Variants in MOXD1 observed in about 807,000 individuals in gnomAD.
MOXD1 encodes monooxygenase DBH like 1.
In MOXD1, 62 loss-of-function variants were observed where a neutral mutation model predicts 66.6. The ratio of observed to expected loss-of-function variants is 0.93; its 90% CI spans 0.76 to 1.15. The LOEUF (loss-of-function observed/expected upper bound fraction) is 1.15. Ranked by LOEUF, MOXD1 falls within the 50% of genes most tolerant of loss-of-function variation. The pLI, the probability that MOXD1 is intolerant of heterozygous loss-of-function variation, is 0.00. For missense variants in MOXD1, 847 were observed against 754.6 expected, an observed-to-expected ratio of 1.12 and a Z score of -1.44; for synonymous variants, 303 against 281.9, an observed-to-expected ratio of 1.07 and a Z score of -0.75.
intron 4 of MOXD1, among the ~76,000 whole-genome samples, chr6:132,332,267 C>T (rs913503785): frequency 2.0e-5 from 3 of 152,008 alleles, no homozygotes; most frequent in Non-Finnish European, 1.5e-5. Context: ...AAAACACCAA[C>T]CCATAAAACA....
At chr6:132,340,431 G>A (rs549395846) in intron 4 of MOXD1, among the ~76,000 whole-genome samples, 1 of 143,056 alleles carries the variant, frequency 7.0e-6, no homozygotes, top group Non-Finnish European at 1.5e-5. Context: ...CTGGCAGCAA[G>A]CAACACTTTC....
intron 4 of MOXD1, among the ~76,000 whole-genome samples, chr6:132,368,489 G>A (rs935674036): frequency 1.3e-5 from 2 of 151,936 alleles, no homozygotes; most frequent in Admixed American, 6.6e-5. Context: ...TCAACATTTT[G>A]TTAAGAATCA....
At chr6:132,327,939 ACT>A in intron 6 of MOXD1, 72 bp downstream of exon 6, 1 of 1,180,100 alleles carries the variant, frequency 8.5e-7, no homozygotes, top group Middle Eastern at 2.0e-4. Context: ...TTTTGTTTCA[ACT>A]CTGTTAAAGA....
intron 9 of MOXD1, among the ~76,000 whole-genome samples, chr6:132,319,635 C>A (rs1421859483): frequency 6.6e-6 from 1 of 151,678 alleles, no homozygotes; most frequent in African/African-American, 2.4e-5. Flanking sequence ...TTCTTCACTT[C>A]TTTCTTTCTG....
At position 132,372,970 on chromosome 6, in the gene MOXD1, A is replaced by G. The variant is rs765361094; in HGVS notation, c.439T>C (p.Tyr147His). Residue 147 changes from tyrosine (Y) to histidine (H), a missense_variant, in exon 3 of 12, where the codon TAC (tyrosine) becomes CAC (histidine). Tyr to His is a moderately conservative substitution (Grantham distance 83). Coordinates refer to ENST00000367963, the MANE Select transcript of MOXD1 (RefSeq NM_015529.4). ...GCTTCTCCTGCATCTTCATGGTGGT[A>G]GGCCCAGATCACTCTCACAGTGCTA... ...TDSTVRVIWA[Y>H]HHEDAGEAGP... The G allele has an allele frequency of 1.2e-6, 2 of 1,613,926 alleles. No individual in the cohort carries two copies. Among genetic ancestry groups the G allele is most frequent in the South Asian group, 2.2e-5 (2 of 91,050 alleles).
At chr6:132,361,006 G>T (rs1776008038) in intron 4 of MOXD1, among the ~76,000 whole-genome samples, 1 of 152,112 alleles carries the variant, frequency 6.6e-6, no homozygotes, top group Non-Finnish European at 1.5e-5. Flanking sequence ...TTACTTACAT[G>T]GTCTTGCCTT....
rs201901665 is a variant in MOXD1, at chr6:132,322,657, A to G, written c.1305+22T>C. On this transcript the variant is annotated intron_variant, in intron 8 of 11. Coordinates refer to ENST00000367963, the MANE Select transcript of MOXD1 (RefSeq NM_015529.4). ...TCATGACTTTCATAACAGTCAATGA[A>G]AAAGAACAAAAACATGCATACTGGT... The G allele has an allele frequency of 1.0e-4, 162 of 1,600,716 alleles. 1 individual carries two copies. In the Middle Eastern group the frequency reaches 3.7e-3, roughly 36 times the overall value.
chr6:132,373,416 A>G (rs1478399368), intron 2 of MOXD1, among the ~76,000 whole-genome samples: 3 of 152,250 alleles, frequency 2.0e-5, no homozygotes, highest in African/African-American at 7.2e-5. Flanking sequence ...GGAAAAATTA[A>G]TACAATAAAA....
chr6:132,346,917 G>T (rs1237061792), intron 4 of MOXD1, among the ~76,000 whole-genome samples: 1 of 152,108 alleles, frequency 6.6e-6, no homozygotes, highest in African/African-American at 2.4e-5. Flanking sequence ...TTTACTAAAC[G>T]CTATAAGAAA....
At chr6:132,392,208 G>T (rs772256234) in intron 1 of MOXD1, 5 of 1,593,992 alleles carry the variant, frequency 3.1e-6, no homozygotes, top group Non-Finnish European at 2.6e-6. Flanking sequence ...TCAGTTCCAA[G>T]CACTTCCTCA....
intron 4 of MOXD1, among the ~76,000 whole-genome samples, chr6:132,331,519 A>C (rs752199116): frequency 6.6e-6 from 1 of 152,136 alleles, no homozygotes; most frequent in Non-Finnish European, 1.5e-5. Flanking sequence ...CTTCATAGGA[A>C]GTGCTAAAAC....
intron 6 of MOXD1, 58 bp downstream of exon 6, chr6:132,327,955 A>G (rs1775223084): frequency 2.2e-6 from 3 of 1,387,770 alleles, no homozygotes; most frequent in South Asian, 2.4e-5. Context: ...TTAAAGACTT[A>G]CAAGGTACAA....
intron 9 of MOXD1, 32 bp downstream of exon 9, chr6:132,320,597 A>G (rs1775057064): frequency 1.3e-6 from 2 of 1,532,432 alleles, no homozygotes; most frequent in African/African-American, 1.4e-5. Flanking sequence ...CTCTCCATAA[A>G]TGAACTTTAA....
chr6:132,396,934 C>T (rs763030760), intron 1 of MOXD1, among the ~76,000 whole-genome samples: 61 of 152,286 alleles, frequency 4.0e-4, no homozygotes, highest in Middle Eastern at 6.8e-3. Flanking sequence ...TGCTGAATTC[C>T]CATGTGACTG....
chr6:132,390,026 T>A (rs1776726199), intron 1 of MOXD1, among the ~76,000 whole-genome samples: 1 of 151,358 alleles, frequency 6.6e-6, no homozygotes, highest in Non-Finnish European at 1.5e-5. Flanking sequence ...TGAGAAAGAA[T>A]ACAGAATATA....
intron 9 of MOXD1, among the ~76,000 whole-genome samples, chr6:132,318,611 T>A (rs1775007552): frequency 6.6e-6 from 1 of 152,076 alleles, no homozygotes; most frequent in African/African-American, 2.4e-5. Flanking sequence ...TTTCCCAGTT[T>A]AAAACTCTTC....
chr6:132,311,144 T>C (rs1228899942), intron 10 of MOXD1, among the ~76,000 whole-genome samples: 1 of 152,056 alleles, frequency 6.6e-6, no homozygotes, highest in Non-Finnish European at 1.5e-5. Flanking sequence ...GACCCTAAAA[T>C]ATCATATCCA....
At chr6:132,356,850 T>C (rs550012008) in intron 4 of MOXD1, among the ~76,000 whole-genome samples, 5 of 152,272 alleles carry the variant, frequency 3.3e-5, no homozygotes, top group African/African-American at 1.2e-4. Flanking sequence ...TTCTTCAGCA[T>C]AAAGTTTTAG....
intron 10 of MOXD1, among the ~76,000 whole-genome samples, chr6:132,308,097 A>G (rs948335079): frequency 1.3e-5 from 2 of 151,814 alleles, no homozygotes; most frequent in Admixed American, 6.6e-5. Context: ...TTTGAAAAAA[A>G]AAAAATAACA....
Sources: allele counts gnomAD v4.1 joint callset (sites outside exome capture counted in the v4.1 genomes callset), GRCh38; gene constraint gnomAD v4.1.1; transcripts MANE v1.5; gene names NCBI Gene and HGNC (gene_info 2026-07-23, HGNC 2026-07-21).